Variants in MTRF1L observed in about 807,000 individuals in gnomAD.
MTRF1L encodes the protein mitochondrial translation release factor 1 like, also known as peptide chain release factor 1-like, mitochondrial.
Under a neutral mutation model 40.0 loss-of-function variants are expected in MTRF1L, and 29 were observed. The ratio of observed to expected loss-of-function variants is 0.73; its 90% CI spans 0.54 to 0.99. The LOEUF is 0.99. Ranked by LOEUF, MTRF1L falls within the 50% of genes least tolerant of loss-of-function variation. The pLI is 0.00. For missense variants in MTRF1L, 412 were observed against 464.5 expected (o/e 0.89, Z 1.04); for synonymous variants, 150 against 175.8 (o/e 0.85, Z 1.16).
rs146426139 is a variant in MTRF1L, at chr6:152,997,279, GAAGA to G, written c.339+1267_339+1270del. Among the ~76,000 whole-genome samples the G allele has an allele frequency of 9.1e-3, 1,382 of 152,280 alleles. 24 individuals are homozygous for G. Among genetic ancestry groups the G allele is most frequent in the African/African-American group, 0.032 (1,322 of 41,556 alleles). On this transcript the variant is annotated intron_variant, in intron 2 of 6. Transcript: ENST00000367233. ...AATTGAAGAAGACTGATGATTAACA[GAAGA>G]AACAATAGTCAAACCACAGACATCT... is the stretch of plus-strand genomic sequence containing the variant.
intron 6 of MTRF1L, 66 bp downstream of exon 6, chr6:152,991,119 A>T (rs1226839970): frequency 2.5e-5 from 29 of 1,139,082 alleles, no homozygotes; most frequent in Admixed American, 9.4e-5. Flanking sequence ...CAAGTTATTT[A>T]AAAAAAGCTG....
At chr6:152,991,042 CAAAG>C (rs1778492438) in intron 6 of MTRF1L, 139 bp downstream of exon 6, 8 of 511,076 alleles carry the variant, frequency 1.6e-5, no homozygotes, top group Non-Finnish European at 2.3e-5. Flanking sequence ...AGATTACTAT[CAAAG>C]AAGGATAGCC....
rs1228139822 is a variant in MTRF1L, at chr6:152,989,840, T to C, written c.*55A>G. 3 of 1,529,180 alleles carry C rather than the reference T, an allele frequency of 2.0e-6. No individual in the cohort carries two copies. The highest frequency in any genetic ancestry group is 2.1e-5 in the Admixed American group (1 of 46,944). 94.7% of individuals were successfully genotyped at this position (1,529,180 alleles called of 1,614,324 possible). A position where few individuals can be genotyped will look rare whatever the true frequency, so the allele number is the denominator to read the frequency against. On this transcript the variant is annotated 3_prime_UTR_variant, in exon 7 of 7. Coordinates refer to ENST00000367233, the MANE Select transcript of MTRF1L (RefSeq NM_019041.7). ...AGAGTAAGGGTACTTTCACCCTATG[T>C]GGATGTACTGTAGAATTTTTCTAAG...
At chr6:152,995,442 C>A (rs1407503769) in intron 2 of MTRF1L, 123 bp from the exon 3 acceptor site, 2 of 826,294 alleles carry the variant, frequency 2.4e-6, no homozygotes, top group African/African-American at 1.7e-5. Flanking sequence ...TGTAATATTG[C>A]TGAGTACTGT....
chr6:153,000,012 T>C (rs764860246), intron 1 of MTRF1L, among the ~76,000 whole-genome samples: 22 of 152,228 alleles, frequency 1.4e-4, no homozygotes, highest in Non-Finnish European at 3.1e-4. Flanking sequence ...GAAGCACTGC[T>C]GAAAATTATT....
At position 152,996,149 on chromosome 6, in the gene MTRF1L, CT is replaced by C. The variant is rs1778707117; in HGVS notation, c.340-831del. ...AACAGTTCTACCTTAAGATGTGAAA[CT>C]AATTTTACAGGGGTTGAATAATCTA... On this transcript the variant is annotated intron_variant, in intron 2 of 6. Transcript: ENST00000367233. Among the ~76,000 whole-genome samples, 2 of 152,124 alleles carry C rather than the reference CT, an allele frequency of 1.3e-5. 1 individual carries two copies. The highest frequency in any genetic ancestry group is 4.1e-4 in the South Asian group (2 of 4,824).
At chr6:153,002,092 C>T (rs1157412949) in intron 1 of MTRF1L, among the ~76,000 whole-genome samples, 1 of 152,206 alleles carries the variant, frequency 6.6e-6, no homozygotes, top group African/African-American at 2.4e-5. Flanking sequence ...GATACTACTG[C>T]AAATGGGTCT....
intron 5 of MTRF1L, among the ~76,000 whole-genome samples, chr6:152,992,419 T>C (rs2129097973): frequency 6.6e-6 from 1 of 152,372 alleles, no homozygotes; most frequent in East Asian, 1.9e-4. Context: ...TGCAAAACTG[T>C]ATATGTGTTT....
chr6:152,995,249 A>G lies in MTRF1L; in HGVS notation c.410T>C (p.Val137Ala). ...NDLILEVTAG[V>A]GGQEAMLFTS... ...AAACAACATTGCCTCCTGACCTCCA[A>G]CTCCTGCAGTTACTTCCAGGATCAA... Residue 137 changes from valine (V) to alanine (A), a missense_variant, in exon 3 of 7, where the codon GTT becomes GCT. By Grantham distance (64) the Val-to-Ala change is moderately conservative. Coordinates refer to ENST00000367233, the MANE Select transcript of MTRF1L (RefSeq NM_019041.7). 6.2e-7 allele frequency: 1 copy of G among 1,608,744 alleles called. No individual in the cohort carries two copies. The highest frequency in any genetic ancestry group is 8.5e-7 in the Non-Finnish European group (1 of 1,176,882).
In MTRF1L at chr6:152,989,721, T is replaced by A. The variant is rs900755999; in HGVS notation, c.*174A>T. On this transcript the variant is annotated 3_prime_UTR_variant, in exon 7 of 7. Transcript: ENST00000367233. ...GAGGACCATCTGTATATTGTATGATTTTTGCTAATGCATTGAGAGAGATCT... is the reference window on the plus strand; with the variant it reads ...GAGGACCATCTGTATATTGTATGATATTTGCTAATGCATTGAGAGAGATCT... 4.7e-6 allele frequency: 3 copies of A among 640,198 alleles called. No individual in the cohort carries two copies. The highest frequency in any genetic ancestry group is 3.7e-5 in the African/African-American group (2 of 53,948). The allele number at this position is 640,198 out of a possible 1,614,324, so 39.7% of individuals were successfully genotyped here. A position where few individuals can be genotyped will look rare whatever the true frequency, so the allele number is the denominator to read the frequency against.
chr6:152,989,745 C>T lies in MTRF1L; in HGVS notation c.*150G>A. The T allele has an allele frequency of 1.3e-6, 1 of 776,460 alleles. No individual in the cohort carries two copies. Among genetic ancestry groups the T allele is most frequent in the Non-Finnish European group, 2.0e-6 (1 of 508,136 alleles). 48.1% of individuals were successfully genotyped at this position (776,460 alleles called of 1,614,324 possible). A position where few individuals can be genotyped will look rare whatever the true frequency, so the allele number is the denominator to read the frequency against. ...TTTTTGCTAATGCATTGAGAGAGAT[C>T]TGTGTAAATTATCTATGACTTCAGA... On this transcript the variant is annotated 3_prime_UTR_variant, in exon 7 of 7. Transcript: ENST00000367233.
chr6:152,995,666 AAAG>A (rs1041232734), intron 2 of MTRF1L, among the ~76,000 whole-genome samples: 2 of 152,200 alleles, frequency 1.3e-5, no homozygotes, highest in Admixed American at 6.5e-5. Context: ...GTGGAAAGCA[AAAG>A]AAGATTCTAG....
chr6:152,997,662 A>G (rs1035001762), intron 2 of MTRF1L, among the ~76,000 whole-genome samples: 1 of 152,134 alleles, frequency 6.6e-6, no homozygotes, highest in Non-Finnish European at 1.5e-5. Flanking sequence ...CTAGGGGCCA[A>G]AGAACAGTAT....
rs769580816 is a variant in MTRF1L, at chr6:152,990,086, T to C, written c.952A>G (p.Lys318Glu). Residue 318 changes from lysine (K) to glutamate (E), a missense_variant, in exon 7 of 7, where the codon AAA (lysine) becomes GAA (glutamate). Transcript: ENST00000367233. ...GTTCTTATTTTCTCTGATCTTCCTT[T>C]ACTTCCAATCTGTATATAGAGAAAA... is the stretch of plus-strand genomic sequence containing the variant. ...QNARKIQIGSKGRSEKIRTYN... is the reference protein window; with the variant it reads ...QNARKIQIGSEGRSEKIRTYN... 9 of 1,613,806 alleles carry C rather than the reference T, an allele frequency of 5.6e-6. No individual in the cohort carries two copies. The highest frequency in any genetic ancestry group is 7.6e-6 in the Non-Finnish European group (9 of 1,179,952).
At chr6:152,994,740 C>A (rs759593933) in intron 3 of MTRF1L, 64 bp from the exon 4 acceptor site, 1 of 1,571,036 alleles carries the variant, frequency 6.4e-7, no homozygotes, top group East Asian at 2.2e-5. Flanking sequence ...AATTGACCAT[C>A]ACATCTACTA....
intron 5 of MTRF1L, among the ~76,000 whole-genome samples, chr6:152,992,305 A>T (rs889082542): frequency 6.6e-6 from 1 of 152,236 alleles, no homozygotes; most frequent in Non-Finnish European, 1.5e-5. Flanking sequence ...TTCGAGCTAC[A>T]GTATACTGGA....
rs1778650419 is a variant in MTRF1L, at chr6:152,994,664, T to C, written c.536A>G (p.His179Arg). The C allele has an allele frequency of 6.8e-6, 11 of 1,614,034 alleles. No individual in the cohort carries two copies. The highest frequency in any genetic ancestry group is 1.3e-5 in the African/African-American group (1 of 74,922). ...TGAACCCCCAATGCTGGCAGATGCA[T>C]GTCTAAGGCCACCTTGAAAATACAG... ...YFPSELGGLR[H>R]ASASIGGSEA... Residue 179 changes from histidine (H) to arginine (R), a missense_variant, in exon 4 of 7, where the codon CAT becomes CGT. By Grantham distance (29) the His-to-Arg change is conservative (BLOSUM62 0). Coordinates refer to ENST00000367233, the MANE Select transcript of MTRF1L (RefSeq NM_019041.7).
In MTRF1L at chr6:153,002,703, G is replaced by A. The variant is rs1253307244; in HGVS notation, c.-18C>T. The stretch of plus-strand genomic sequence containing the variant: ...GACCGCATCCTTAGTCCGAGATCGC[G>A]GACCCTGACCGGAACCGGAAGTTCC... On this transcript the variant is annotated 5_prime_UTR_variant, in exon 1 of 7. Coordinates refer to ENST00000367233, the MANE Select transcript of MTRF1L (RefSeq NM_019041.7). 1.4e-6 allele frequency: 2 copies of A among 1,468,352 alleles called. No individual in the cohort carries two copies. The highest frequency in any genetic ancestry group is 1.8e-6 in the Non-Finnish European group (2 of 1,114,898). 91.0% of individuals were successfully genotyped at this position (1,468,352 alleles called of 1,614,324 possible).
chr6:152,997,256 T>C (rs1391239018), intron 2 of MTRF1L, among the ~76,000 whole-genome samples: 4 of 152,144 alleles, frequency 2.6e-5, no homozygotes, highest in Admixed American at 6.5e-5. Context: ...CATGCCCTAA[T>C]TGAAGAAGAC....
Sources: gnomAD v4.1 joint callset for allele counts (sites outside exome capture counted in the v4.1 genomes callset) on GRCh38, gnomAD v4.1.1 for gene constraint, MANE v1.5 for transcripts, NCBI Gene and HGNC (gene_info 2026-07-23, HGNC 2026-07-21) for gene names.